Variants in MED12L observed in about 807,000 individuals in gnomAD.
MED12L encodes the protein mediator complex subunit 12L, also known as mediator of RNA polymerase II transcription subunit 12-like protein.
In MED12L, 60 loss-of-function variants were observed where a neutral mutation model predicts 281.3. The ratio of observed to expected loss-of-function variants is 0.21; its 90% confidence interval spans 0.17 to 0.26. The LOEUF (loss-of-function observed/expected upper bound fraction) is 0.26. Among genes scored for constraint, MED12L ranks in the 10% least tolerant of loss-of-function variants. The pLI is 1.00. For missense variants in MED12L, 2,146 were observed against 2,680.9 expected, an observed-to-expected ratio of 0.80 and a Z score of 4.41; for synonymous variants, 974 against 987.2, an observed-to-expected ratio of 0.99 and a Z score of 0.25.
intron 16 of MED12L, chr3:151,338,195 G>C: frequency 6.2e-7 from 1 of 1,614,000 alleles, no homozygotes. Context: ...CGTATGACCG[G>C]TACAGTTCTT....
chr3:151,378,203 G>C (rs1424160666), intron 31 of MED12L, 30 bp downstream of exon 31: 3 of 1,557,772 alleles, frequency 1.9e-6, no homozygotes, highest in Admixed American at 1.9e-5. Context: ...GTCTGTGTGA[G>C]AGTTTAAAGA....
intron 11 of MED12L, among the ~76,000 whole-genome samples, chr3:151,180,937 GT>G (rs1722626185): frequency 6.6e-6 from 1 of 151,862 alleles, no homozygotes; most frequent in African/African-American, 2.4e-5. Context: ...GAATCGACCA[GT>G]TTCTCTAGTA....
chr3:151,432,493 G>T (rs1294968840), intron 44 of MED12L, among the ~76,000 whole-genome samples: 3 of 152,188 alleles, frequency 2.0e-5, no homozygotes, highest in Non-Finnish European at 4.4e-5. Flanking sequence ...TTAGTTCAGA[G>T]GGAGACACTC....
rs758337755 is a variant in MED12L at position 151,432,746 on chromosome 3, C to T, written c.6491-6C>T. 1 of 1,611,910 alleles carries T rather than the reference C, an allele frequency of 6.2e-7. No individual in the cohort carries two copies. Among genetic ancestry groups the T allele is most frequent in the East Asian group, 2.2e-5 (1 of 44,868 alleles). ...TAATTTTGGTTCAATTTATTTTTCTCCTTAGGCAACCAGCCACAGCAAGGA... is the reference window on the plus strand; with the variant it reads ...TAATTTTGGTTCAATTTATTTTTCTTCTTAGGCAACCAGCCACAGCAAGGA... On this transcript the variant is annotated splice_polypyrimidine_tract_variant and splice_region_variant and intron_variant, in intron 44 of 44. Coordinates refer to ENST00000687756, the MANE Select transcript of MED12L (RefSeq NM_001393769.1).
intron 16 of MED12L, among the ~76,000 whole-genome samples, chr3:151,330,662 T>G (rs907286192): frequency 6.6e-6 from 1 of 152,188 alleles, no homozygotes; most frequent in Non-Finnish European, 1.5e-5. Context: ...TGACTTGGCT[T>G]TGAATTCTGA....
chr3:151,401,281 G>T (rs1468305117), intron 39 of MED12L, among the ~76,000 whole-genome samples: 234 of 142,592 alleles, frequency 1.6e-3, no homozygotes, highest in African/African-American at 5.4e-3. Flanking sequence ...TTTTTTGTTT[G>T]TTTTTTTTTT....
At chr3:151,178,157 CAAAAAAA>C (rs10572929) in intron 11 of MED12L, among the ~76,000 whole-genome samples, 32 of 49,170 alleles carry the variant, frequency 6.5e-4, no homozygotes, top group Admixed American at 2.4e-3. Context: ...GACTTGGTCT[CAAAAAAA>C]AAAAAAAAAA....
At chr3:151,351,045 T>A (rs1200764743) in intron 17 of MED12L, among the ~76,000 whole-genome samples, 1 of 152,258 alleles carries the variant, frequency 6.6e-6, no homozygotes, top group Non-Finnish European at 1.5e-5. Flanking sequence ...GTTTACTCTA[T>A]GTAAACAACA....
chr3:151,171,141 G>C (rs1229125978), intron 11 of MED12L, among the ~76,000 whole-genome samples: 3 of 152,124 alleles, frequency 2.0e-5, no homozygotes, highest in Non-Finnish European at 4.4e-5. Flanking sequence ...TAGTGTTTCA[G>C]AGCCATTTCT....
At position 151,150,515 on chromosome 3, in the gene MED12L, A is replaced by G. The variant is rs574719052; in HGVS notation, c.557-5646A>G. On this transcript the variant is annotated intron_variant, in intron 5 of 44. Coordinates refer to ENST00000687756, the MANE Select transcript of MED12L (RefSeq NM_001393769.1). Reference sequence around the variant, plus strand: ...TTCTTAAAGGCTATAGGCTTTTCCAAATGGTGAATTAGCATTGGTTTTAGG... The same window carrying G: ...TTCTTAAAGGCTATAGGCTTTTCCAGATGGTGAATTAGCATTGGTTTTAGG... 8.5e-5 allele frequency among the ~76,000 whole-genome samples: 13 copies of G among 152,282 alleles called. No individual in the cohort carries two copies. The South Asian group carries it at 2.7e-3, about 32-fold the overall frequency.
intron 16 of MED12L, among the ~76,000 whole-genome samples, chr3:151,333,787 G>A (rs1056436401): frequency 2.0e-5 from 3 of 152,104 alleles, no homozygotes; most frequent in Non-Finnish European, 2.9e-5. Context: ...TCAATTAAGA[G>A]TGGGATTCTT....
At chr3:151,156,449 A>G (rs1352227798) in intron 6 of MED12L, 119 bp downstream of exon 6, 2 of 952,566 alleles carry the variant, frequency 2.1e-6, no homozygotes, top group East Asian at 5.4e-5. Context: ...ATTCAAAGAA[A>G]GCAGTCTGAC....
intron 13 of MED12L, among the ~76,000 whole-genome samples, chr3:151,190,020 C>G (rs921446867): frequency 6.6e-6 from 1 of 152,160 alleles, no homozygotes; most frequent in Non-Finnish European, 1.5e-5. Flanking sequence ...CATATTCTCA[C>G]AATTGCACAG....
At position 151,085,736 on chromosome 3, in the gene MED12L, C is replaced by CGCCGGCGGCGA. The variant is rs1444830175; in HGVS notation, c.-322_-312dup. 6.6e-6 allele frequency: 1 copy of CGCCGGCGGCGA among 151,996 alleles called. No individual in the cohort carries two copies. Among genetic ancestry groups the CGCCGGCGGCGA allele is most frequent in the Non-Finnish European group, 1.5e-5 (1 of 67,958 alleles). 9.4% of individuals were successfully genotyped at this position (151,996 alleles called of 1,614,324 possible). A position where few individuals can be genotyped will look rare whatever the true frequency, so the allele number is the denominator to read the frequency against. ...CGCTCCCGGGCCGTGGGGGCGAGAA[C>CGCCGGCGGCGA]GCCGGCGGCGAGCCGGCGTCGCTCG... is the stretch of plus-strand genomic sequence containing the variant. On this transcript the variant is annotated 5_prime_UTR_variant, in exon 1 of 45. An upstream open reading frame in the 5' UTR loses its in-frame stop. Coordinates refer to ENST00000687756, the MANE Select transcript of MED12L (RefSeq NM_001393769.1).
At chr3:151,345,251 T>G (rs1269386904) in intron 16 of MED12L, among the ~76,000 whole-genome samples, 1 of 152,216 alleles carries the variant, frequency 6.6e-6, no homozygotes, top group East Asian at 1.9e-4. Flanking sequence ...TGACGTCTCC[T>G]GTAACAGACT....
chr3:151,172,728 A>G (rs1364285588), intron 11 of MED12L, among the ~76,000 whole-genome samples: 2 of 152,242 alleles, frequency 1.3e-5, no homozygotes, highest in Non-Finnish European at 2.9e-5. Flanking sequence ...AAATAAGGCA[A>G]AAGTCAAGCA....
intron 16 of MED12L, among the ~76,000 whole-genome samples, chr3:151,206,070 A>AG (rs1726305553): frequency 5.6e-5 from 8 of 142,324 alleles, no homozygotes; most frequent in Non-Finnish European, 1.2e-4. Context: ...GAAAGAAAAT[A>AG]ATTTTTTTTT....
chr3:151,426,820 CTT>C (rs34363787), intron 43 of MED12L, among the ~76,000 whole-genome samples: 316 of 142,456 alleles, frequency 2.2e-3, no homozygotes, highest in Middle Eastern at 7.2e-3. Context: ...CATGGTTTTA[CTT>C]TTTTTTTTTT....
chr3:151,086,787 C>T lies in MED12L; in HGVS notation c.-129-11C>T. 3 of 651,464 alleles carry T rather than the reference C, an allele frequency of 4.6e-6. No individual in the cohort carries two copies. The South Asian group carries it at 6.1e-5, about 13-fold the overall frequency. The allele number at this position is 651,464 out of a possible 1,614,324, so 40.4% of individuals were successfully genotyped here. A position where few individuals can be genotyped will look rare whatever the true frequency, so the allele number is the denominator to read the frequency against. Reference sequence around the variant, plus strand: ...GCAGCATCCAACCTGCTTTATTCCTCCTGCCTGCAGCGCCACAGCGAGCGA... The same window carrying T: ...GCAGCATCCAACCTGCTTTATTCCTTCTGCCTGCAGCGCCACAGCGAGCGA... On this transcript the variant is annotated splice_polypyrimidine_tract_variant and intron_variant, in intron 1 of 44. Transcript: ENST00000687756.
Sources: gnomAD v4.1 joint callset for allele counts (sites outside exome capture counted in the v4.1 genomes callset) on GRCh38, gnomAD v4.1.1 for gene constraint, MANE v1.5 for transcripts, NCBI Gene and HGNC (gene_info 2026-07-23, HGNC 2026-07-21) for gene names.